XKR9: variants seen among roughly 807,000 people sequenced by gnomAD.
XKR9 encodes the protein XK related 9.
Under a neutral mutation model 32.0 loss-of-function variants are expected in XKR9, and 32 were observed. The observed-to-expected ratio is 1.00, with a 90% CI of 0.76 to 1.34. The LOEUF is 1.34. Ranked by LOEUF, XKR9 falls within the 40% of genes most tolerant of loss-of-function variation. The pLI is 0.00. For missense variants in XKR9, 546 were observed against 429.7 expected (o/e 1.27, Z -2.39); for synonymous variants, 168 against 143.4 (o/e 1.17, Z -1.22).
the XKR9 span, among the ~76,000 whole-genome samples, chr8:70,816,168 T>C: frequency 1.3e-5 from 2 of 151,880 alleles, no homozygotes; most frequent in African/African-American, 4.8e-5. Context: ...TGGAGAAGAA[T>C]AGAGAACGCA....
At chr8:70,857,352 G>A in the XKR9 span, among the ~76,000 whole-genome samples, 5 of 152,174 alleles carry the variant, frequency 3.3e-5, no homozygotes, top group African/African-American at 7.2e-5. Flanking sequence ...ACACCTCTAT[G>A]CAAATAAACT....
chr8:70,810,935 T>C, the XKR9 span, among the ~76,000 whole-genome samples: 2 of 152,098 alleles, frequency 1.3e-5, no homozygotes, highest in South Asian at 2.1e-4. Flanking sequence ...CTGCACCAAG[T>C]GGACCTAAGA....
the XKR9 span, among the ~76,000 whole-genome samples, chr8:70,845,986 C>T: frequency 6.6e-6 from 1 of 152,030 alleles, no homozygotes; most frequent in Non-Finnish European, 1.5e-5. Flanking sequence ...AAAAGGCCTT[C>T]ACAGCACATT....
At chr8:71,040,180 C>T in the XKR9 span, among the ~76,000 whole-genome samples, 21 of 152,176 alleles carry the variant, frequency 1.4e-4, no homozygotes, top group African/African-American at 4.8e-4. Context: ...CTTTATTTTT[C>T]GCAATGTTGT....
the XKR9 span, among the ~76,000 whole-genome samples, chr8:70,900,316 T>G: frequency 2.0e-5 from 3 of 152,052 alleles, no homozygotes; most frequent in African/African-American, 7.2e-5. Flanking sequence ...CCACGCTGGG[T>G]GCAGTGCTCG....
chr8:70,813,384 A>T, the XKR9 span, among the ~76,000 whole-genome samples: 3 of 152,240 alleles, frequency 2.0e-5, no homozygotes, highest in Non-Finnish European at 4.4e-5. Flanking sequence ...GGCATGCGCA[A>T]GGTCTTCATG....
chr8:70,771,657 T>C (rs1305571274), intron 2 of XKR9, among the ~76,000 whole-genome samples: 1 of 152,186 alleles, frequency 6.6e-6, no homozygotes, highest in Admixed American at 6.5e-5. Context: ...TAATTGAAGA[T>C]TGGGTTTGTC....
the XKR9 span, among the ~76,000 whole-genome samples, chr8:70,820,877 G>C: frequency 1.3e-5 from 2 of 152,004 alleles, no homozygotes; most frequent in African/African-American, 2.4e-5. Context: ...ATAATATTTG[G>C]GTGGGGACAC....
At chr8:70,710,094 T>C (rs1176022103) in intron 4 of XKR9, among the ~76,000 whole-genome samples, 3 of 152,252 alleles carry the variant, frequency 2.0e-5, no homozygotes, top group South Asian at 4.2e-4. Context: ...AAAACAGACA[T>C]GTAGACCAAT....
the XKR9 span, among the ~76,000 whole-genome samples, chr8:70,803,603 T>C: frequency 6.6e-6 from 1 of 152,124 alleles, no homozygotes; most frequent in Non-Finnish European, 1.5e-5. Flanking sequence ...TTTGGATGAG[T>C]TTTTTTGCTT....
chr8:70,922,903 T>C, the XKR9 span, among the ~76,000 whole-genome samples: 1 of 152,232 alleles, frequency 6.6e-6, no homozygotes, highest in Admixed American at 6.5e-5. Context: ...TTTACAGATG[T>C]GCAGTCAGCT....
At chr8:70,828,573 A>G in the XKR9 span, among the ~76,000 whole-genome samples, 9 of 152,044 alleles carry the variant, frequency 5.9e-5, no homozygotes, top group African/African-American at 2.2e-4. Context: ...AAAATACAAA[A>G]ATTAGCCAGG....
At chr8:70,965,706 T>C in the XKR9 span, among the ~76,000 whole-genome samples, 1 of 152,036 alleles carries the variant, frequency 6.6e-6, no homozygotes, top group Non-Finnish European at 1.5e-5. Flanking sequence ...CAGGAATTTA[T>C]CTATTTCTTC....
chr8:70,782,326 A>G (rs1190803121), intron 2 of XKR9, among the ~76,000 whole-genome samples: 1 of 152,210 alleles, frequency 6.6e-6, no homozygotes, highest in Non-Finnish European at 1.5e-5. Flanking sequence ...AAGTGATATT[A>G]CGTTTTATGA....
intron 4 of XKR9, among the ~76,000 whole-genome samples, chr8:70,732,937 GT>G (rs1806720964): frequency 6.6e-6 from 1 of 152,152 alleles, no homozygotes; most frequent in Non-Finnish European, 1.5e-5. Context: ...CGCCAACATG[GT>G]GAAACTCCAT....
At chr8:70,832,312 A>G in the XKR9 span, among the ~76,000 whole-genome samples, 2 of 152,188 alleles carry the variant, frequency 1.3e-5, no homozygotes, top group Admixed American at 6.5e-5. Flanking sequence ...GGGACATTGA[A>G]GTTTTCTTTT....
chr8:70,932,200 T>C, the XKR9 span, among the ~76,000 whole-genome samples: 1 of 151,798 alleles, frequency 6.6e-6, no homozygotes, highest in Non-Finnish European at 1.5e-5. Context: ...TTAATTAATA[T>C]GAATAACATG....
chr8:70,670,540 A>T (rs1818679825), intron 1 of XKR9: 2 of 151,652 alleles, frequency 1.3e-5, no homozygotes, highest in Non-Finnish European at 2.9e-5. Flanking sequence ...TGAGAAATTG[A>T]CACATACAGT....
intron 2 of XKR9, among the ~76,000 whole-genome samples, chr8:70,676,998 A>C (rs1818908682): frequency 6.6e-6 from 1 of 152,216 alleles, no homozygotes; most frequent in African/African-American, 2.4e-5. Context: ...GAAATTATCT[A>C]CATTTAAAAT....
Sources: allele counts gnomAD v4.1 joint callset (sites outside exome capture counted in the v4.1 genomes callset), GRCh38; gene constraint gnomAD v4.1.1; transcripts MANE v1.5; gene names NCBI Gene and HGNC (gene_info 2026-07-23, HGNC 2026-07-21).